The following HIPK1 variants were observed in gnomAD, a reference collection of about 807,000 sequenced individuals.
HIPK1 encodes homeodomain interacting protein kinase 1, also known as homeodomain-interacting protein kinase 1.
HIPK1 carries 28 observed loss-of-function variants against 117.1 expected under a neutral mutation model. The ratio of observed to expected loss-of-function variants is 0.24; its 90% CI spans 0.18 to 0.33. HIPK1 has a LOEUF of 0.33. Ranked by LOEUF, HIPK1 falls within the 10% of genes least tolerant of loss-of-function variation. HIPK1 has a pLI of 1.00. For missense variants in HIPK1, 1,122 were observed against 1,475.1 expected, an observed-to-expected ratio of 0.76 and a Z score of 3.92; for synonymous variants, 605 against 562.5, an observed-to-expected ratio of 1.08 and a Z score of -1.07.
At position 113,957,958 on chromosome 1, in the gene HIPK1, A is replaced by G. The variant is rs1049791686; in HGVS notation, c.1756-108A>G. 26 of 828,400 alleles carry G rather than the reference A, an allele frequency of 3.1e-5. 1 individual carries two copies. The highest frequency in any genetic ancestry group is 2.9e-4 in the Middle Eastern group (1 of 3,430). The allele number at this position is 828,400 out of a possible 1,614,324, so 51.3% of individuals were successfully genotyped here. A position where few individuals can be genotyped will look rare whatever the true frequency, so the allele number is the denominator to read the frequency against. ...AGTTATTTCAGAGGCAGTTAACATT[A>G]CATTTTAAAACATTATTCTACGTTT... On this transcript the variant is annotated intron_variant, in intron 7 of 15. Transcript: ENST00000426820.
chr1:113,943,764 A>G (rs1057256455), intron 2 of HIPK1, among the ~76,000 whole-genome samples: 5 of 152,132 alleles, frequency 3.3e-5, no homozygotes, highest in African/African-American at 9.7e-5. Flanking sequence ...GTGCATTCCA[A>G]ATTTCTCCAC....
chr1:113,930,175 A>C (rs1669767840), intron 1 of HIPK1, among the ~76,000 whole-genome samples: 1 of 151,400 alleles, frequency 6.6e-6, no homozygotes, highest in African/African-American at 2.4e-5. Context: ...TTTCGGGGCA[A>C]CTCCCCCTGC....
chr1:113,969,910 C>T (rs1389091530), intron 13 of HIPK1, 46 bp from the exon 14 acceptor site: 1 of 1,606,900 alleles, frequency 6.2e-7, no homozygotes, highest in African/African-American at 1.3e-5. Flanking sequence ...CTGTCACACA[C>T]ACAAAAAAGA....
chr1:113,930,493 CACCTAATGTATATCTGT>C (rs1022824197), intron 1 of HIPK1: 1 of 152,182 alleles, frequency 6.6e-6, no homozygotes, highest in African/African-American at 2.4e-5. Context: ...GAGACCAGCC[CACCTAATGTATATCTGT>C]ACAAGGGAGA....
Position 113,970,006 on chromosome 1 carries a change from A to T in HIPK1, c.2822A>T (p.Asp941Val). 1 of 1,614,126 alleles carries T rather than the reference A, an allele frequency of 6.2e-7. No homozygotes were observed. Among genetic ancestry groups the T allele is most frequent in the Non-Finnish European group, 8.5e-7 (1 of 1,179,964 alleles). Reference sequence around the variant, plus strand: ...GTCATCAGTTATGTCACTGTCAATGATTCTCCAGACTCTGACTCTTCTTTG... The same window carrying T: ...GTCATCAGTTATGTCACTGTCAATGTTTCTCCAGACTCTGACTCTTCTTTG... ...SNVISYVTVNDSPDSDSSLSS... is the reference protein window; with the variant it reads ...SNVISYVTVNVSPDSDSSLSS... The change falls in exon 14 of 16, where the codon GAT becomes GTT. Residue 941 changes from aspartate (D) to valine (V), a missense_variant. Transcript: ENST00000426820.
intron 13 of HIPK1, 96 bp from the exon 14 acceptor site, chr1:113,969,859 AT>A: frequency 1.5e-6 from 2 of 1,357,442 alleles, no homozygotes; most frequent in Non-Finnish European, 2.1e-6. Flanking sequence ...GCGAGCTGTG[AT>A]CACTCCACTG....
chr1:113,963,474 T>C lies in HIPK1; in HGVS notation c.2191T>C (p.Cys731Arg). 6.2e-7 allele frequency: 1 copy of C among 1,614,230 alleles called. No individual in the cohort carries two copies. The highest frequency in any genetic ancestry group is 1.1e-5 in the South Asian group (1 of 91,086). Residue 731 changes from cysteine (C) to arginine (R), a missense_variant, in exon 10 of 16, where the codon TGC becomes CGC. Coordinates refer to ENST00000426820, the MANE Select transcript of HIPK1 (RefSeq NM_198268.3). ...GTATGCGGTGCCCTTTACTCTGAGC[T>C]GCGCAGCCGGCCGGCCGGCGCTGGT... ...PQYAVPFTLS[C>R]AAGRPALVEQ... is the part of the protein sequence containing the mutation.
chr1:113,955,693 C>T (rs766178306), intron 5 of HIPK1, 44 bp downstream of exon 5: 11 of 1,013,448 alleles, frequency 1.1e-5, no homozygotes. Context: ...TATTTTTAAT[C>T]AGAGACACTT....
In HIPK1 at chr1:113,977,591, T is replaced by C. The variant is rs1398015105; in HGVS notation, c.*4079T>C. 2 of 152,728 alleles carry C rather than the reference T, an allele frequency of 1.3e-5. No homozygotes were observed. Among genetic ancestry groups the C allele is most frequent in the East Asian group, 3.8e-4 (2 of 5,292 alleles). 9.5% of individuals were successfully genotyped at this position (152,728 alleles called of 1,614,324 possible). ...GTAATGCAGATGTACTTAGGGAGTA[T>C]GTAAAATAATCATTTTAACAAAAGA... On this transcript the variant is annotated 3_prime_UTR_variant, in exon 16 of 16. Coordinates refer to ENST00000426820, the MANE Select transcript of HIPK1 (RefSeq NM_198268.3).
Position 113,973,344 on chromosome 1 carries a change from G to C in HIPK1, c.3465G>C (p.Gln1155His). ...YTTHPSTLVH[Q>H]VPVSVGPSLL... ...CTCACCCTAGCACTTTGGTGCACCAGGTCCCTGTCAGTGTTGGGCCCAGCC... is the reference window on the plus strand; with the variant it reads ...CTCACCCTAGCACTTTGGTGCACCACGTCCCTGTCAGTGTTGGGCCCAGCC... The change falls in exon 16 of 16, where the codon CAG (glutamine) becomes CAC (histidine). Residue 1155 changes from glutamine to histidine, a missense_variant. By Grantham distance (24) the Gln-to-His change is conservative (BLOSUM62 0). Around this residue, in one of 6 missense-constraint regions of HIPK1, gnomAD observed 731 missense variants for 860.4 expected, o/e 0.85. Transcript: ENST00000426820. The C allele has an allele frequency of 6.2e-7, 1 of 1,614,180 alleles. No homozygotes were observed. Among genetic ancestry groups the C allele is most frequent in the South Asian group, 1.1e-5 (1 of 91,080 alleles).
At chr1:113,955,773 G>T (rs1671676601) in intron 5 of HIPK1, 124 bp downstream of exon 5, 2 of 558,494 alleles carry the variant, frequency 3.6e-6, no homozygotes, top group East Asian at 5.8e-5. Context: ...TATAAAAAAT[G>T]CATTAATATT....
intron 1 of HIPK1, among the ~76,000 whole-genome samples, chr1:113,934,721 G>A (rs1670134742): frequency 6.7e-6 from 1 of 150,172 alleles, no homozygotes; most frequent in South Asian, 2.1e-4. Flanking sequence ...CAAGGCAGGA[G>A]GAGGATTGCT....
intron 1 of HIPK1, among the ~76,000 whole-genome samples, chr1:113,939,769 G>T (rs923181369): frequency 1.3e-5 from 2 of 152,128 alleles, no homozygotes; most frequent in African/African-American, 2.4e-5. Flanking sequence ...TGCTATGTCA[G>T]ATGTTTGGAC....
intron 1 of HIPK1, among the ~76,000 whole-genome samples, chr1:113,937,272 G>A (rs990729281): frequency 1.3e-5 from 2 of 152,146 alleles, no homozygotes; most frequent in African/African-American, 2.4e-5. Context: ...CAGTGCAGGT[G>A]GTTTCTAGTT....
Position 113,967,954 on chromosome 1 carries a change from T to C in HIPK1, c.2564+6T>C. The C allele has an allele frequency of 6.2e-7, 1 of 1,601,868 alleles. No individual in the cohort carries two copies. The highest frequency in any genetic ancestry group is 1.3e-5 in the African/African-American group (1 of 74,268). ...TCAGCTCCAGTCTCTTCCAAGTGAG[T>C]CTGTGTTACAGCTGATAGTTAAAAC... On this transcript the variant is annotated splice_donor_region_variant and intron_variant, in intron 12 of 15. Transcript: ENST00000426820.
intron 2 of HIPK1, among the ~76,000 whole-genome samples, chr1:113,947,622 C>G (rs1016258132): frequency 6.6e-6 from 1 of 152,188 alleles, no homozygotes; most frequent in African/African-American, 2.4e-5. Context: ...TTAGCTTGCT[C>G]TGGGTGCCAG....
intron 2 of HIPK1, among the ~76,000 whole-genome samples, chr1:113,942,675 A>G (rs536234984): frequency 1.3e-5 from 2 of 152,284 alleles, no homozygotes; most frequent in East Asian, 3.9e-4. Context: ...GATACTTTTA[A>G]TGTAGCTACC....
intron 14 of HIPK1, among the ~76,000 whole-genome samples, 188 bp downstream of exon 14, chr1:113,970,385 G>A (rs1290491659): frequency 3.3e-5 from 5 of 152,200 alleles, no homozygotes; most frequent in Admixed American, 6.5e-5. Flanking sequence ...ATCTTCCTGT[G>A]TTTATTTTGC....
rs1306948400 is a variant in HIPK1 at position 113,940,581 on chromosome 1, C to T, written c.198C>T (p.Asn66=). The T allele has an allele frequency of 1.9e-6, 3 of 1,614,100 alleles. No homozygotes were observed. Among genetic ancestry groups the T allele is most frequent in the African/African-American group, 1.3e-5 (1 of 74,930 alleles). The change falls in exon 2 of 16, where the codon AAC becomes AAT. Residue 66 remains asparagine, a synonymous_variant. Coordinates refer to ENST00000426820, the MANE Select transcript of HIPK1 (RefSeq NM_198268.3). ...ANSSHQVANF[N]IPAYDQGLLL... is the part of the protein sequence containing the mutation. ...CCTCTCACCAGGTAGCAAATTTCAA[C>T]ATCCCTGCTTACGACCAGGGCCTCC...
Sources: allele counts gnomAD v4.1 joint callset (sites outside exome capture counted in the v4.1 genomes callset), GRCh38; gene constraint gnomAD v4.1.1; regional missense constraint gnomAD v4.1.1; transcripts MANE v1.5; gene names NCBI Gene and HGNC (gene_info 2026-07-23, HGNC 2026-07-21).